Variants in DNAH11 observed in about 807,000 individuals in gnomAD.
The protein encoded by DNAH11 is dynein axonemal heavy chain 11.
In DNAH11, 442 loss-of-function variants were observed where a neutral mutation model predicts 526.0. That is an observed-to-expected ratio of 0.84 (90% CI 0.78 to 0.91). DNAH11 has a LOEUF of 0.91. DNAH11 is among the 40% of genes least tolerant of loss of function. DNAH11 has a pLI of 0.00. For missense variants in DNAH11, 6,989 were observed against 5,448.7 expected (o/e 1.28, Z -8.90); for synonymous variants, 2,461 against 1,935.9 (o/e 1.27, Z -7.12).
chr7:21,899,387 C>G lies in DNAH11; in HGVS notation c.13101C>G (p.Asp4367Glu). 6.2e-7 allele frequency: 1 copy of G among 1,614,022 alleles called. No homozygotes were observed. The highest frequency in any genetic ancestry group is 8.5e-7 in the Non-Finnish European group (1 of 1,179,884). Residue 4367 changes from aspartate (D) to glutamate (E), a missense_variant, in exon 80 of 82, where the codon GAC (aspartate) becomes GAG (glutamate). Coordinates refer to ENST00000409508, the MANE Select transcript of DNAH11 (RefSeq NM_001277115.2). ...GAGAACTCGATACTTGGACACAAGA[C>G]CTTACCCTTCCGGCTGTCGTGTGGC... ...RCRELDTWTQ[D>E]LTLPAVVWLS...
At chr7:21,854,545 T>C in intron 68 of DNAH11, 90 bp downstream of exon 68, 1 of 1,294,550 alleles carries the variant, frequency 7.7e-7, no homozygotes. Flanking sequence ...TTGATAATAA[T>C]AATAACTATT....
intron 25 of DNAH11, among the ~76,000 whole-genome samples, chr7:21,622,856 A>G (rs1786140502): frequency 6.6e-6 from 1 of 152,188 alleles, no homozygotes. Context: ...ATCTAAAACC[A>G]TAAAAACCCT....
intron 14 of DNAH11, 66 bp downstream of exon 14, chr7:21,591,643 T>A: frequency 7.1e-7 from 1 of 1,412,678 alleles, no homozygotes; most frequent in Non-Finnish European, 9.3e-7. Flanking sequence ...AGCAAAAATC[T>A]TTAACCTAAT....
chr7:21,641,731 G>A (rs571983202), intron 28 of DNAH11, among the ~76,000 whole-genome samples: 40 of 152,170 alleles, frequency 2.6e-4, no homozygotes, highest in South Asian at 4.2e-4. Flanking sequence ...ACATGACTTC[G>A]GTATTTTACA....
At chr7:21,701,260 G>GA (rs1342571977) in intron 36 of DNAH11, among the ~76,000 whole-genome samples, 2 of 150,364 alleles carry the variant, frequency 1.3e-5, no homozygotes, top group African/African-American at 2.5e-5. Flanking sequence ...ATGTACAACT[G>GA]AACCAAAAAT....
chr7:21,816,277 G>A (rs917320417), intron 63 of DNAH11, among the ~76,000 whole-genome samples, 190 bp from the exon 64 acceptor site: 1 of 152,134 alleles, frequency 6.6e-6, no homozygotes, highest in Non-Finnish European at 1.5e-5. Context: ...AGAATTCTGA[G>A]ATGTAAATAC....
chr7:21,638,954 A>G lies in DNAH11; in HGVS notation c.4833A>G (p.Glu1611=). 3 of 1,609,942 alleles carry G rather than the reference A, an allele frequency of 1.9e-6. No homozygotes were observed. The highest frequency in any genetic ancestry group is 2.5e-6 in the Non-Finnish European group (3 of 1,178,686). The change falls in exon 28 of 82, where the codon GAA becomes GAG. Residue 1611 remains glutamate (E), a synonymous_variant. Coordinates refer to ENST00000409508, the MANE Select transcript of DNAH11 (RefSeq NM_001277115.2). ...KDLQSRLSLC[E]KALAEYLETK... ...ATTCATGTAGGCTTTCTCTTTGTGA[A>G]AAAGCTCTCGCTGAATACCTGGAAA...
chr7:21,803,563 C>T (rs959644965), intron 62 of DNAH11, among the ~76,000 whole-genome samples: 1 of 150,948 alleles, frequency 6.6e-6, no homozygotes, highest in Non-Finnish European at 1.5e-5. Context: ...TTAGTCAGAA[C>T]TAGATAAACT....
intron 63 of DNAH11, among the ~76,000 whole-genome samples, chr7:21,813,267 C>T (rs1424602509): frequency 1.3e-5 from 2 of 152,288 alleles, no homozygotes; most frequent in East Asian, 3.9e-4. Context: ...ATTGCTTTGA[C>T]CCAGCAGTTT....
intron 30 of DNAH11, among the ~76,000 whole-genome samples, chr7:21,672,212 T>C (rs1782666960): frequency 6.6e-6 from 1 of 152,222 alleles, no homozygotes; most frequent in African/African-American, 2.4e-5. Context: ...AGGATCCTGG[T>C]AGCTGATCTC....
At chr7:21,631,452 C>G (rs772542573) in intron 25 of DNAH11, among the ~76,000 whole-genome samples, 1 of 152,202 alleles carries the variant, frequency 6.6e-6, no homozygotes, top group Admixed American at 6.5e-5. Flanking sequence ...CAAGGCAAGT[C>G]CCTTCCACAT....
In DNAH11 at chr7:21,716,216, G is replaced by A. The variant is rs145310899; in HGVS notation, c.6984-1559G>A. Among the ~76,000 whole-genome samples the A allele has an allele frequency of 7.2e-5, 11 of 152,204 alleles. No individual in the cohort carries two copies. The East Asian group carries it at 2.1e-3, about 29-fold the overall frequency. On this transcript the variant is annotated intron_variant, in intron 42 of 81. Coordinates refer to ENST00000409508, the MANE Select transcript of DNAH11 (RefSeq NM_001277115.2). ...TTTTGTTATATCCACCAGAATCCAG[G>A]ATGCCAACTCTTGTGCCCAATAGGA...
chr7:21,562,095 T>A (rs1323875504), intron 5 of DNAH11, among the ~76,000 whole-genome samples: 1 of 152,214 alleles, frequency 6.6e-6, no homozygotes, highest in Non-Finnish European at 1.5e-5. Flanking sequence ...ATTTTAAATT[T>A]GCTAAGCCTC....
At position 21,707,567 on chromosome 7, in the gene DNAH11, C is replaced by T. The variant is rs1418716802; in HGVS notation, c.6547-132C>T. On this transcript the variant is annotated intron_variant, in intron 39 of 81. Coordinates refer to ENST00000409508, the MANE Select transcript of DNAH11 (RefSeq NM_001277115.2). ...GGAATGCACACATGTGCATTTTTCC[C>T]CTTCTCGATCTTAGCACACACACAG... The T allele has an allele frequency of 1.2e-5, 14 of 1,136,414 alleles. No homozygotes were observed. In the Admixed American group the frequency reaches 4.1e-4, roughly 33 times the overall value. The allele number at this position is 1,136,414 out of a possible 1,614,324, so 70.4% of individuals were successfully genotyped here. A position where few individuals can be genotyped will look rare whatever the true frequency, so the allele number is the denominator to read the frequency against.
At chr7:21,562,674 C>T (rs1783515503) in intron 5 of DNAH11, among the ~76,000 whole-genome samples, 1 of 152,066 alleles carries the variant, frequency 6.6e-6, no homozygotes, top group South Asian at 2.1e-4. Context: ...ACATGCTGAT[C>T]ACATTTTAAG....
Position 21,779,017 on chromosome 7 carries a change from T to C in DNAH11, c.9396T>C (p.His3132=), listed in dbSNP as rs987268164. 5.0e-6 allele frequency: 8 copies of C among 1,613,430 alleles called. No homozygotes were observed. Among genetic ancestry groups the C allele is most frequent in the Admixed American group, 3.3e-5 (2 of 59,930 alleles). ...AAGCCGAGCTGCAACTGAGAAATCA[T>C]GATGCCGAAGCTCTGATCACAAAGA... ...SQEAELQLRN[H]DAEALITKIG... is the part of the protein sequence containing the mutation. Residue 3132 remains histidine (H), a synonymous_variant, in exon 57 of 82, where the codon CAT becomes CAC. Transcript: ENST00000409508.
chr7:21,681,438 G>A (rs532361683), intron 30 of DNAH11, 108 bp from the exon 31 acceptor site: 12 of 1,177,358 alleles, frequency 1.0e-5, no homozygotes, highest in South Asian at 9.2e-5. Flanking sequence ...AAAAAAAAAA[G>A]AAATTGTTTT....
At chr7:21,718,374 T>C (rs946803348) in intron 43 of DNAH11, among the ~76,000 whole-genome samples, 2 of 152,182 alleles carry the variant, frequency 1.3e-5, no homozygotes, top group African/African-American at 4.8e-5. Flanking sequence ...TGTTTTCTAA[T>C]AAAACAAATT....
At position 21,818,202 on chromosome 7, in the gene DNAH11, C is replaced by T. The variant is rs371205337; in HGVS notation, c.10569-15C>T. On this transcript the variant is annotated splice_polypyrimidine_tract_variant and intron_variant, in intron 64 of 81. Coordinates refer to ENST00000409508, the MANE Select transcript of DNAH11 (RefSeq NM_001277115.2). ...AATTTACATTTTATTATCTCAAATC[C>T]CACTGAATTTTAAGGTTTTTGAATG... The T allele has an allele frequency of 5.6e-5, 90 of 1,603,458 alleles. No individual in the cohort carries two copies. The highest frequency in any genetic ancestry group is 4.9e-4 in the Middle Eastern group (3 of 6,062).
Sources: allele counts gnomAD v4.1 joint callset (sites outside exome capture counted in the v4.1 genomes callset), GRCh38; gene constraint gnomAD v4.1.1; transcripts MANE v1.5; gene names NCBI Gene and HGNC (gene_info 2026-07-23, HGNC 2026-07-21).